SYN1: variants seen among roughly 807,000 people sequenced by gnomAD.
SYN1 encodes the protein synapsin-1.
A neutral mutation model predicts 44.6 loss-of-function variants in SYN1; 8 were observed. The observed-to-expected ratio is 0.18, with a 90% confidence interval of 0.11 to 0.32. The LOEUF (loss-of-function observed/expected upper bound fraction) is 0.32. Among genes scored for constraint, SYN1 ranks in the 10% least tolerant of loss-of-function variants. The pLI, the probability that SYN1 is intolerant of heterozygous loss-of-function variation, is 1.00. For synonymous variants in SYN1, 275 were observed against 280.1 expected, an observed-to-expected ratio of 0.98 and a Z score of 0.18; for missense variants, 451 against 639.4, an observed-to-expected ratio of 0.71 and a Z score of 3.18.
chrX:47,609,869 C>T (rs764722826), intron 1 of SYN1, among the ~76,000 whole-genome samples: 10 of 111,406 alleles, frequency 9.0e-5, no homozygotes, highest in Non-Finnish European at 1.5e-4. Context: ...GAGAATACAG[C>T]GCAGGCCCCC....
intron 1 of SYN1, among the ~76,000 whole-genome samples, chrX:47,612,496 T>C (rs2057919293): frequency 9.0e-6 from 1 of 111,264 alleles, no homozygotes; most frequent in Non-Finnish European, 1.9e-5. Flanking sequence ...TCCTTAAAAC[T>C]AGCTGATGAA....
In SYN1 at chrX:47,575,198, T is replaced by C; in HGVS notation, c.1235A>G (p.Asn412Ser). Residue 412 changes from asparagine to serine, a missense_variant, in exon 10 of 13, where the codon AAC becomes AGC. Around this residue, in one of 3 missense-constraint regions of SYN1, gnomAD observed 315 missense variants for 451.4 expected, o/e 0.70. Transcript: ENST00000295987. Reference sequence around the variant, plus strand: ...CCGGGGCAGGGCCTGAGCCATCTTGTTGACCACGAGCTCTACGATGAGCTG... The same window carrying C: ...CCGGGGCAGGGCCTGAGCCATCTTGCTGACCACGAGCTCTACGATGAGCTG... ...DKQLIVELVVNKMAQALPRQR... is the reference protein window; with the variant it reads ...DKQLIVELVVSKMAQALPRQR... 6 of 1,201,282 alleles carry C rather than the reference T, an allele frequency of 5.0e-6. No individual in the cohort carries two copies. Among genetic ancestry groups the C allele is most frequent in the Non-Finnish European group, 6.7e-6 (6 of 890,163 alleles).
chrX:47,618,079 T>C (rs765083959), intron 1 of SYN1, among the ~76,000 whole-genome samples: 1 of 112,189 alleles, frequency 8.9e-6, no homozygotes, highest in South Asian at 3.7e-4. Flanking sequence ...AGGTGCTCCA[T>C]AAATACTCCA....
intron 5 of SYN1, among the ~76,000 whole-genome samples, chrX:47,578,687 C>G (rs911341580): frequency 1.8e-5 from 2 of 111,644 alleles, no homozygotes; most frequent in African/African-American, 6.5e-5. Context: ...AGGCTCCCCG[C>G]TCCCTCCACC....
chrX:47,589,323 G>C (rs2057839316), intron 5 of SYN1, among the ~76,000 whole-genome samples: 1 of 104,713 alleles, frequency 9.5e-6, no homozygotes, highest in Non-Finnish European at 2.0e-5. Context: ...GCCGGGCATG[G>C]TGGCTTACGC....
At chrX:47,594,532 CAA>C (rs112489335) in intron 5 of SYN1, among the ~76,000 whole-genome samples, 7 of 59,905 alleles carry the variant, frequency 1.2e-4, no homozygotes, top group Admixed American at 2.1e-4. Flanking sequence ...GACTCTGTCT[CAA>C]AAAAAAAAAA....
chrX:47,585,380 C>T lies in SYN1; in HGVS notation c.775-7879G>A, dbSNP rs1396542894. ...GTGCCACACCAACCAGTCCCTGGGG[C>T]GCGGCCTAGCAACCACGAGGGGGCG... On this transcript the variant is annotated intron_variant, in intron 5 of 12. Transcript: ENST00000295987. 5 of 1,204,853 alleles carry T rather than the reference C, an allele frequency of 4.1e-6. No individual in the cohort carries two copies. The African/African-American group carries it at 7.0e-5, about 17-fold the overall frequency.
intron 5 of SYN1, chrX:47,586,033 C>T: frequency 2.0e-6 from 2 of 981,760 alleles, no homozygotes. Flanking sequence ...ACTGACCCTT[C>T]CTCAGCACAT....
At position 47,605,327 on chromosome X, in the gene SYN1, G is replaced by A. The variant is rs138985151; in HGVS notation, c.580C>T (p.Arg194Cys). The change falls in exon 4 of 13, where the codon CGC becomes TGC. Residue 194 changes from arginine (R) to cysteine (C), a missense_variant. Arg to Cys is a radical substitution (Grantham distance 180). Coordinates refer to ENST00000295987, the MANE Select transcript of SYN1 (RefSeq NM_006950.3). ...LIRQHAFSMA[R>C]NGDYRSLVIG... ...ACCAAACTGCGGTAGTCTCCGTTGC[G>A]TGCCATGCTGAAGGCGTGCTGGCGG... The A allele has an allele frequency of 5.4e-5, 65 of 1,209,566 alleles. No homozygotes were observed. Among genetic ancestry groups the A allele is most frequent in the Middle Eastern group, 2.3e-4 (1 of 4,348 alleles).
rs1271852642 is a variant in SYN1 at position 47,582,456 on chromosome X, G to T, written c.775-4955C>A. 1.4e-4 allele frequency: 36 copies of T among 254,686 alleles called. No individual in the cohort carries two copies. In the Admixed American group the frequency reaches 1.9e-3, roughly 13 times the overall value. The allele number at this position is 254,686 out of a possible 1,213,427, so 21.0% of individuals were successfully genotyped here. ...CTGCCGCCATCGCCGCAGATCCAGCGCCCAGAGAGACACCAGAGGTAAGCA... is the reference window on the plus strand; with the variant it reads ...CTGCCGCCATCGCCGCAGATCCAGCTCCCAGAGAGACACCAGAGGTAAGCA... On this transcript the variant is annotated intron_variant, in intron 5 of 12. Coordinates refer to ENST00000295987, the MANE Select transcript of SYN1 (RefSeq NM_006950.3).
In SYN1 at chrX:47,608,818, G is replaced by C. The variant is rs1048750713; in HGVS notation, c.378-1620C>G. The stretch of plus-strand genomic sequence containing the variant: ...CCTCAATCAGGTTTATCATGGAAGG[G>C]GGATGAGGGGGAGAGACACTTTCAG... On this transcript the variant is annotated intron_variant, in intron 1 of 12. Transcript: ENST00000295987. 7.4e-5 allele frequency among the ~76,000 whole-genome samples: 8 copies of C among 108,268 alleles called. No homozygotes were observed. The Admixed American group carries it at 8.0e-4, about 11-fold the overall frequency. The allele number at this position is 108,268 out of a possible 115,157, so 94.0% of individuals were successfully genotyped here.
intron 5 of SYN1, chrX:47,583,402 C>G (rs779405468): frequency 8.4e-7 from 1 of 1,194,510 alleles, no homozygotes; most frequent in Non-Finnish European, 1.1e-6. Flanking sequence ...TCCCCCTTCC[C>G]CACAGAACCC....
At chrX:47,573,144 C>A in intron 12 of SYN1, 145 bp from the exon 13 acceptor site, 1 of 782,350 alleles carries the variant, frequency 1.3e-6, no homozygotes. Context: ...CACCTGCCAC[C>A]ATGGGCCTGG....
intron 5 of SYN1, among the ~76,000 whole-genome samples, chrX:47,577,883 T>C (rs1198141173): frequency 3.6e-5 from 1 of 27,445 alleles, no homozygotes; most frequent in African/African-American, 2.0e-4. Flanking sequence ...GTGGGGGGGG[T>C]GGGGAGTGGT....
At chrX:47,580,261 G>A (rs2057792442) in intron 5 of SYN1, among the ~76,000 whole-genome samples, 1 of 105,025 alleles carries the variant, frequency 9.5e-6, no homozygotes, top group Admixed American at 1.0e-4. Flanking sequence ...GAGCTCAAGC[G>A]ATCTGCCTGC....
intron 5 of SYN1, chrX:47,584,895 C>T (rs373256086): frequency 1.6e-4 from 177 of 1,092,208 alleles, no homozygotes; most frequent in Non-Finnish European, 2.1e-4. Context: ...TTTATTGGCT[C>T]ATGCAGTCCA....
intron 5 of SYN1, among the ~76,000 whole-genome samples, chrX:47,580,932 C>CAAA (rs34026683): frequency 1.9e-4 from 18 of 95,749 alleles, no homozygotes; most frequent in African/African-American, 6.7e-4. Flanking sequence ...AGACTCTTGT[C>CAAA]AAAAAAAAAA....
intron 5 of SYN1, among the ~76,000 whole-genome samples, chrX:47,601,362 A>C (rs1368901880): frequency 8.9e-6 from 1 of 112,282 alleles, no homozygotes; most frequent in East Asian, 2.8e-4. Flanking sequence ...CAATAGACCT[A>C]TAACAAGTGA....
intron 12 of SYN1, among the ~76,000 whole-genome samples, chrX:47,573,647 G>C (rs760363845): frequency 9.0e-6 from 1 of 111,203 alleles, no homozygotes; most frequent in East Asian, 2.9e-4. Flanking sequence ...GTGGCGGGGG[G>C]GCGAGTTTGG....
Sources: gnomAD v4.1 joint callset for allele counts (sites outside exome capture counted in the v4.1 genomes callset) on GRCh38, gnomAD v4.1.1 for gene constraint, gnomAD v4.1.1 regional missense constraint, MANE v1.5 for transcripts, NCBI Gene and HGNC (gene_info 2026-07-23, HGNC 2026-07-21) for gene names.